Variants in NCKAP5 observed in about 807,000 individuals in gnomAD.
NCKAP5 encodes nck-associated protein 5.
A neutral mutation model predicts 167.0 loss-of-function variants in NCKAP5; 92 were observed. The observed-to-expected ratio is 0.55, with a 90% CI of 0.47 to 0.66. The LOEUF is 0.66. NCKAP5 is among the 30% of genes least tolerant of loss of function. The probability of loss-of-function intolerance (pLI) is 0.00; values close to 1 mark genes in which losing one functional copy is unlikely to be tolerated. For synonymous variants in NCKAP5, 891 were observed against 877.4 expected (o/e 1.02, Z -0.27); for missense variants, 2,378 against 2,315.0 (o/e 1.03, Z -0.56).
intron 19 of NCKAP5, among the ~76,000 whole-genome samples, chr2:132,720,298 C>G (rs1300331200): frequency 6.6e-6 from 1 of 152,232 alleles, no homozygotes; most frequent in Non-Finnish European, 1.5e-5. Context: ...GCCACCTATC[C>G]AGCTCCTAAA....
intron 6 of NCKAP5, among the ~76,000 whole-genome samples, chr2:133,021,308 T>C (rs563402673): frequency 2.6e-5 from 4 of 152,024 alleles, no homozygotes; most frequent in Admixed American, 6.5e-5. Flanking sequence ...TAGGAGGAAA[T>C]TGGATACAGT....
At chr2:133,230,299 C>T (rs2087084930) in intron 4 of NCKAP5, among the ~76,000 whole-genome samples, 1 of 152,182 alleles carries the variant, frequency 6.6e-6, no homozygotes, top group Non-Finnish European at 1.5e-5. Flanking sequence ...ATTACCATAA[C>T]ATAACCTCCT....
At chr2:132,969,245 C>CAGACCAGTTA (rs2076758587) in intron 7 of NCKAP5, among the ~76,000 whole-genome samples, 1 of 152,056 alleles carries the variant, frequency 6.6e-6, no homozygotes, top group Non-Finnish European at 1.5e-5. Flanking sequence ...ATTATGTTAG[C>CAGACCAGTTA]CAGGCTGGTC....
At chr2:133,467,058 T>C (rs544670565) in intron 3 of NCKAP5, among the ~76,000 whole-genome samples, 12 of 151,764 alleles carry the variant, frequency 7.9e-5, no homozygotes, top group Non-Finnish European at 1.8e-4. Context: ...TGAATAGGAG[T>C]GGTGAGAGAG....
chr2:132,863,622 A>G (rs1006709355), intron 10 of NCKAP5, among the ~76,000 whole-genome samples: 1 of 152,204 alleles, frequency 6.6e-6, no homozygotes, highest in African/African-American at 2.4e-5. Context: ...GTTCATCACT[A>G]TTGGCACATC....
intron 11 of NCKAP5, among the ~76,000 whole-genome samples, chr2:132,835,482 A>C (rs1459719502): frequency 6.6e-6 from 1 of 151,446 alleles, no homozygotes; most frequent in Non-Finnish European, 1.5e-5. Flanking sequence ...ATTCAATTTC[A>C]TTAGTATAAA....
chr2:132,788,258 C>T (rs915467937), intron 13 of NCKAP5, among the ~76,000 whole-genome samples: 19 of 152,134 alleles, frequency 1.2e-4, no homozygotes, highest in Non-Finnish European at 1.3e-4. Flanking sequence ...CTAAAAGATG[C>T]TGTTGCTGAG....
Position 133,329,107 on chromosome 2 carries a change from G to A in NCKAP5, c.70-25997C>T, listed in dbSNP as rs78194793. Among the ~76,000 whole-genome samples the A allele has an allele frequency of 9.8e-3, 1,499 of 152,282 alleles. 26 individuals are homozygous for A. Among genetic ancestry groups the A allele is most frequent in the African/African-American group, 0.034 (1,424 of 41,558 alleles). On this transcript the variant is annotated intron_variant, in intron 3 of 19. Transcript: ENST00000409261. ...CTTCTCTATTAAGCTTTCAGAAAGA[G>A]GAATTGCATTTTCCACCTCGCTGAA...
At position 133,245,895 on chromosome 2, in the gene NCKAP5, GGAAAA is replaced by G. The variant is rs1465502784; in HGVS notation, c.144-32121_144-32117del. Among the ~76,000 whole-genome samples, 189 of 112,628 alleles carry G rather than the reference GGAAAA, an allele frequency of 1.7e-3. 1 individual carries two copies. The highest frequency in any genetic ancestry group is 4.9e-3 in the African/African-American group (171 of 34,546). 73.9% of individuals were successfully genotyped at this position (112,628 alleles called of 152,430 possible). A position where few individuals can be genotyped will look rare whatever the true frequency, so the allele number is the denominator to read the frequency against. On this transcript the variant is annotated intron_variant, in intron 4 of 19. Coordinates refer to ENST00000409261, the MANE Select transcript of NCKAP5 (RefSeq NM_207363.3). The stretch of plus-strand genomic sequence containing the variant: ...AAAAAGGATTTTTTTGATTTGATCA[GGAAAA>G]AAAAAAAAAAAAAAATGGAGGTGGG...
chr2:132,821,660 G>C (rs1686744711), intron 11 of NCKAP5, among the ~76,000 whole-genome samples: 1 of 152,134 alleles, frequency 6.6e-6, no homozygotes, highest in Non-Finnish European at 1.5e-5. Flanking sequence ...TTTCTCAGCT[G>C]GGTAGCTCAC....
At chr2:132,805,468 C>G (rs534921963) in intron 11 of NCKAP5, among the ~76,000 whole-genome samples, 1 of 152,176 alleles carries the variant, frequency 6.6e-6, no homozygotes, top group Non-Finnish European at 1.5e-5. Flanking sequence ...AATGTGATAT[C>G]TGTTTGCTAG....
chr2:133,238,370 G>A (rs10496700), intron 4 of NCKAP5, among the ~76,000 whole-genome samples: 2 of 152,052 alleles, frequency 1.3e-5, no homozygotes, highest in Non-Finnish European at 2.9e-5. Context: ...CTTTGGTAAA[G>A]TCTCTGGTAG....
chr2:132,782,633 T>C lies in NCKAP5; in HGVS notation c.4178A>G (p.Gln1393Arg), dbSNP rs777821911. The C allele has an allele frequency of 6.2e-7, 1 of 1,605,506 alleles. No homozygotes were observed. Among genetic ancestry groups the C allele is most frequent in the Admixed American group, 1.7e-5 (1 of 59,202 alleles). Reference protein sequence around the residue: ...PGKEDQQAFTQGECPSANVAV... With the variant: ...PGKEDQQAFTRGECPSANVAV... ...CACATTGGCACTGGGGCACTCTCCC[T>C]GGGTGAAGGCCTGCTGGTCTTCCTT... The change falls in exon 14 of 20, where the codon CAG becomes CGG. Residue 1393 changes from glutamine to arginine, a missense_variant. This residue lies in a region of NCKAP5 where 1,325 missense variants were observed against 1,274.5 expected (regional missense o/e 1.04). Transcript: ENST00000409261.
intron 5 of NCKAP5, among the ~76,000 whole-genome samples, chr2:133,131,111 G>T (rs1195652493): frequency 6.6e-6 from 1 of 152,202 alleles, no homozygotes; most frequent in Non-Finnish European, 1.5e-5. Flanking sequence ...TTCACAGGAA[G>T]TGATAGCAAT....
At chr2:133,238,088 C>T (rs2087505285) in intron 4 of NCKAP5, among the ~76,000 whole-genome samples, 1 of 152,186 alleles carries the variant, frequency 6.6e-6, no homozygotes, top group Admixed American at 6.5e-5. Context: ...TTGACTAAGC[C>T]AGAGGTTAAC....
intron 6 of NCKAP5, among the ~76,000 whole-genome samples, chr2:133,107,856 C>T (rs2081765123): frequency 1.3e-5 from 2 of 152,162 alleles, no homozygotes; most frequent in Admixed American, 6.5e-5. Flanking sequence ...TAGGAAATAA[C>T]CTTTAAACAT....
chr2:132,735,363 T>C (rs1036180400), intron 16 of NCKAP5, among the ~76,000 whole-genome samples: 5 of 152,150 alleles, frequency 3.3e-5, no homozygotes, highest in African/African-American at 1.2e-4. Flanking sequence ...ACATGAAATC[T>C]GGTTGTTTAA....
At chr2:133,591,443 C>T in the NCKAP5 span, among the ~76,000 whole-genome samples, 1 of 152,202 alleles carries the variant, frequency 6.6e-6, no homozygotes, top group African/African-American at 2.4e-5. Context: ...GCATTGGAAA[C>T]ACAGACCCAC....
the NCKAP5 span, among the ~76,000 whole-genome samples, chr2:133,610,794 T>C: frequency 6.6e-6 from 1 of 152,232 alleles, no homozygotes; most frequent in Non-Finnish European, 1.5e-5. Context: ...GATTATTTTA[T>C]CTTCCTTCTT....
Sources: gnomAD v4.1 joint callset for allele counts (sites outside exome capture counted in the v4.1 genomes callset) on GRCh38, gnomAD v4.1.1 for gene constraint, gnomAD v4.1.1 regional missense constraint, MANE v1.5 for transcripts, NCBI Gene and HGNC (gene_info 2026-07-23, HGNC 2026-07-21) for gene names.